NOX3: variants seen among roughly 807,000 people sequenced by gnomAD.
NOX3 encodes NADPH oxidase 3, also known as NADPH oxidase catalytic subunit-like 3.
NOX3 carries 74 observed loss-of-function variants against 76.7 expected under a neutral mutation model. The ratio of observed to expected loss-of-function variants is 0.96; its 90% confidence interval spans 0.80 to 1.17. The LOEUF (loss-of-function observed/expected upper bound fraction) is 1.17, where lower values mean the gene tolerates loss of function less well. Ranked by LOEUF, NOX3 falls within the 50% of genes most tolerant of loss-of-function variation. The pLI is 0.00. For missense variants in NOX3, 695 were observed against 703.3 expected (o/e 0.99, Z 0.13); for synonymous variants, 263 against 261.1 (o/e 1.01, Z -0.07).
At chr6:155,435,534 T>TA (rs1776893486) in intron 7 of NOX3, among the ~76,000 whole-genome samples, 1 of 148,684 alleles carries the variant, frequency 6.7e-6, no homozygotes, top group Admixed American at 6.7e-5. Flanking sequence ...GTTTTTTTTT[T>TA]AAACAACGCA....
chr6:155,407,127 T>C lies in NOX3; in HGVS notation c.1580+3A>G. The C allele has an allele frequency of 6.2e-7, 1 of 1,613,986 alleles. No individual in the cohort carries two copies. Among genetic ancestry groups the C allele is most frequent in the South Asian group, 1.1e-5 (1 of 91,072 alleles). The stretch of plus-strand genomic sequence containing the variant: ...CAGGGAGAGGAGCAAGAGCTTGCCT[T>C]ACCTGGGGTGATTGTAGGCAATCTG... On this transcript the variant is annotated splice_donor_region_variant and intron_variant, in intron 12 of 13. Coordinates refer to ENST00000159060, the MANE Select transcript of NOX3 (RefSeq NM_015718.3).
At chr6:155,452,803 C>T (rs1192348406) in intron 4 of NOX3, among the ~76,000 whole-genome samples, 1 of 152,120 alleles carries the variant, frequency 6.6e-6, no homozygotes, top group Non-Finnish European at 1.5e-5. Context: ...GATGACTGCT[C>T]CTCCTCCTTT....
intron 11 of NOX3, 48 bp downstream of exon 11, chr6:155,411,166 A>G: frequency 6.5e-7 from 1 of 1,542,122 alleles, no homozygotes; most frequent in Non-Finnish European, 8.9e-7. Flanking sequence ...CCTCATTGCT[A>G]TTAGATGAGT....
chr6:155,442,169 C>T (rs1027287353), intron 5 of NOX3, among the ~76,000 whole-genome samples: 8 of 152,054 alleles, frequency 5.3e-5, no homozygotes, highest in Non-Finnish European at 7.4e-5. Context: ...GAGGCTGAGG[C>T]AGGAGAATAG....
rs535050379 is a variant in NOX3, at chr6:155,413,436, C to T, written c.1309-2076G>A. Among the ~76,000 whole-genome samples the T allele has an allele frequency of 1.1e-4, 17 of 151,212 alleles. No individual in the cohort carries two copies. The South Asian group carries it at 3.2e-3, about 28-fold the overall frequency. On this transcript the variant is annotated intron_variant, in intron 10 of 13. Coordinates refer to ENST00000159060, the MANE Select transcript of NOX3 (RefSeq NM_015718.3). ...GAGACAGGAAAGCACAGGGAGTTGG[C>T]GAGCAGGGAGTTCCATGGCCCGCAG...
At position 155,405,431 on chromosome 6, in the gene NOX3, G is replaced by T. The variant is rs192884441; in HGVS notation, c.1580+1699C>A. On this transcript the variant is annotated intron_variant, in intron 12 of 13. Coordinates refer to ENST00000159060, the MANE Select transcript of NOX3 (RefSeq NM_015718.3). Reference sequence around the variant, plus strand: ...TTGGAACTCTTGTCCATCTATATCTGCCTGTCTGGTCATCTCATCCAGTTT... The same window carrying T: ...TTGGAACTCTTGTCCATCTATATCTTCCTGTCTGGTCATCTCATCCAGTTT... Among the ~76,000 whole-genome samples, 455 of 152,236 alleles carry T rather than the reference G, an allele frequency of 3.0e-3. 2 individuals are homozygous for T. Among genetic ancestry groups the T allele is most frequent in the African/African-American group, 0.011 (437 of 41,526 alleles).
At chr6:155,427,026 T>TGTGTGC (rs1776766171) in intron 9 of NOX3, among the ~76,000 whole-genome samples, 1 of 127,488 alleles carries the variant, frequency 7.8e-6, no homozygotes, top group Non-Finnish European at 1.6e-5. Flanking sequence ...TGTGTGTGTG[T>TGTGTGC]GTGCTGGGGG....
At chr6:155,405,758 C>T (rs1776448988) in intron 12 of NOX3, among the ~76,000 whole-genome samples, 1 of 152,304 alleles carries the variant, frequency 6.6e-6, no homozygotes. Context: ...AACCATTTCT[C>T]ATCACCTCCT....
At chr6:155,447,453 T>C (rs901040126) in intron 4 of NOX3, among the ~76,000 whole-genome samples, 10 of 152,256 alleles carry the variant, frequency 6.6e-5, no homozygotes, top group African/African-American at 2.4e-4. Flanking sequence ...AGTATGTTGA[T>C]TGAATGAACA....
At chr6:155,414,623 C>CTTTTTTTTTTTT (rs72348061) in intron 10 of NOX3, among the ~76,000 whole-genome samples, 13 of 113,788 alleles carry the variant, frequency 1.1e-4, no homozygotes, top group African/African-American at 3.0e-4. Flanking sequence ...TCTTTTCTTT[C>CTTTTTTTTTTTT]TTTTTTTTTT....
At chr6:155,420,507 G>A (rs779284656) in intron 10 of NOX3, among the ~76,000 whole-genome samples, 2 of 152,132 alleles carry the variant, frequency 1.3e-5, no homozygotes, top group Non-Finnish European at 2.9e-5. Flanking sequence ...ATATTATGGC[G>A]TAGAGGAAAG....
rs901713094 is a variant in NOX3, at chr6:155,405,524, T to G, written c.1580+1606A>C. Reference sequence around the variant, plus strand: ...TTCTCCCCTGAACGTTTGCTTCTTATATTCATCTGCCCACTCCAAAATTCC... The same window carrying G: ...TTCTCCCCTGAACGTTTGCTTCTTAGATTCATCTGCCCACTCCAAAATTCC... On this transcript the variant is annotated intron_variant, in intron 12 of 13. Transcript: ENST00000159060. Among the ~76,000 whole-genome samples, 94 of 152,296 alleles carry G rather than the reference T, an allele frequency of 6.2e-4. 1 individual carries two copies. Among genetic ancestry groups the G allele is most frequent in the Non-Finnish European group, 3.8e-4 (26 of 68,018 alleles).
intron 9 of NOX3, among the ~76,000 whole-genome samples, chr6:155,428,050 G>A (rs975229730): frequency 2.0e-5 from 3 of 152,150 alleles, no homozygotes; most frequent in African/African-American, 7.2e-5. Flanking sequence ...ACAGGCATGT[G>A]CCACCACACC....
rs1364286055 is a variant in NOX3, at chr6:155,436,424, T to C, written c.792A>G (p.Glu264=). The change falls in exon 7 of 14, where the codon GAA becomes GAG. Residue 264 remains glutamate (E), a synonymous_variant. Coordinates refer to ENST00000159060, the MANE Select transcript of NOX3 (RefSeq NM_015718.3). ...CTCCTGGGTTCATTCTTACCGAGGG[T>C]TCCTTGCCAGAAAATTGAGGCACGG... is the stretch of plus-strand genomic sequence containing the variant. ...QCPVPQFSGK[E]PSAWKWILGP... is the part of the protein sequence containing the mutation. 6.2e-7 allele frequency: 1 copy of C among 1,614,138 alleles called. No individual in the cohort carries two copies. Among genetic ancestry groups the C allele is most frequent in the African/African-American group, 1.3e-5 (1 of 75,040 alleles).
chr6:155,407,026 T>G, intron 12 of NOX3, 104 bp downstream of exon 12: 1 of 1,261,716 alleles, frequency 7.9e-7, no homozygotes, highest in Non-Finnish European at 1.1e-6. Flanking sequence ...ATGTTTTGTC[T>G]CTAATGGAGA....
chr6:155,422,666 GA>G (rs1776705368), intron 10 of NOX3, 27 bp downstream of exon 10: 7 of 1,609,236 alleles, frequency 4.3e-6, no homozygotes, highest in Non-Finnish European at 6.0e-6. Flanking sequence ...TTAATCCATG[GA>G]AGGGTGAACT....
At chr6:155,401,049 A>G (rs1017485778) in intron 12 of NOX3, among the ~76,000 whole-genome samples, 2 of 152,192 alleles carry the variant, frequency 1.3e-5, no homozygotes, top group Admixed American at 1.3e-4. Flanking sequence ...CCCCACCCCA[A>G]TAAAACAGTA....
chr6:155,441,679 T>C (rs1776987434), intron 5 of NOX3, among the ~76,000 whole-genome samples: 1 of 152,216 alleles, frequency 6.6e-6, no homozygotes, highest in African/African-American at 2.4e-5. Context: ...ATTACTGCAT[T>C]GGTAGTAGCT....
intron 4 of NOX3, among the ~76,000 whole-genome samples, chr6:155,452,177 G>GGGGA (rs1777153971): frequency 2.6e-5 from 4 of 152,140 alleles, no homozygotes; most frequent in Non-Finnish European, 5.9e-5. Context: ...CACCCATGAT[G>GGGGA]GGGAATTCAG....
Sources: allele counts gnomAD v4.1 joint callset (sites outside exome capture counted in the v4.1 genomes callset), GRCh38; gene constraint gnomAD v4.1.1; transcripts MANE v1.5; gene names NCBI Gene and HGNC (gene_info 2026-07-23, HGNC 2026-07-21).